The following HS6ST2 variants were observed in gnomAD, a reference collection of about 807,000 sequenced individuals.
The protein encoded by HS6ST2 is heparan sulfate 6-O-sulfotransferase 2.
In HS6ST2, 17 loss-of-function variants were observed where a neutral mutation model predicts 33.0. The observed-to-expected ratio is 0.52, with a 90% CI of 0.35 to 0.77. The LOEUF (loss-of-function observed/expected upper bound fraction) is 0.77, where lower values mean the gene tolerates loss of function less well. Ranked by LOEUF, HS6ST2 falls within the 30% of genes least tolerant of loss-of-function variation. HS6ST2 has a pLI of 0.01. For missense variants in HS6ST2, 519 were observed against 551.7 expected (o/e 0.94, Z 0.59); for synonymous variants, 248 against 237.1 (o/e 1.05, Z -0.42).
chrX:132,828,727 C>A (rs2065554883), intron 2 of HS6ST2, among the ~76,000 whole-genome samples: 1 of 94,034 alleles, frequency 1.1e-5, no homozygotes, highest in African/African-American at 4.0e-5. Context: ...CACACACACA[C>A]ACACACACAC....
At chrX:132,859,130 T>A (rs1569497610) in intron 2 of HS6ST2, among the ~76,000 whole-genome samples, 1 of 112,151 alleles carries the variant, frequency 8.9e-6, no homozygotes, top group East Asian at 2.8e-4. Context: ...TCTAGCCACA[T>A]GGGAATAGCT....
chrX:132,797,890 G>A (rs1022789888), intron 2 of HS6ST2, among the ~76,000 whole-genome samples: 12 of 108,830 alleles, frequency 1.1e-4, no homozygotes, highest in African/African-American at 4.0e-4. Flanking sequence ...GTGCATGCCT[G>A]TAATCCCAGC....
At chrX:132,722,825 A>G (rs1012231854) in intron 2 of HS6ST2, among the ~76,000 whole-genome samples, 2 of 109,294 alleles carry the variant, frequency 1.8e-5, no homozygotes, top group African/African-American at 6.6e-5. Flanking sequence ...GGTGATTGAG[A>G]TTTCAAATAT....
At chrX:132,894,519 TGTTATGTTA>T (rs1338539742) in intron 2 of HS6ST2, among the ~76,000 whole-genome samples, 3 of 108,085 alleles carry the variant, frequency 2.8e-5, no homozygotes, top group Non-Finnish European at 3.8e-5. Flanking sequence ...TGTTATGTTA[TGTTATGTTA>T]TTTATTTTGA....
chrX:132,856,387 T>C (rs1340956047), intron 2 of HS6ST2, among the ~76,000 whole-genome samples: 1 of 112,166 alleles, frequency 8.9e-6, no homozygotes, highest in East Asian at 2.8e-4. Context: ...ATAGTATATA[T>C]AGGGTTTCAG....
At chrX:132,655,324 C>T (rs939049982) in intron 4 of HS6ST2, among the ~76,000 whole-genome samples, 1 of 111,934 alleles carries the variant, frequency 8.9e-6, no homozygotes, top group Non-Finnish European at 1.9e-5. Flanking sequence ...GAGTAAGGGG[C>T]ACAGTAATTG....
intron 3 of HS6ST2, among the ~76,000 whole-genome samples, chrX:132,673,299 T>C (rs1602566999): frequency 8.9e-6 from 1 of 112,396 alleles, no homozygotes; most frequent in South Asian, 3.7e-4. Context: ...TTGGGCTCAA[T>C]GGAAAGAAGT....
At position 132,957,115 on chromosome X, in the gene HS6ST2, C is replaced by A. The variant is rs1332005603; in HGVS notation, c.640G>T (p.Asp214Tyr). ...FVPRYNFTRG[D>Y]LLRKVDFDIK... The stretch of plus-strand genomic sequence containing the variant: ...TCGAAGTCTACCTTGCGCAGGAGGT[C>A]GCCGCGGGTGAAATTGTAGCGGGGC... Residue 214 changes from aspartate (D) to tyrosine (Y), a missense_variant, in exon 2 of 5, where the codon GAC becomes TAC. Coordinates refer to ENST00000370833, the MANE Select transcript of HS6ST2 (RefSeq NM_001394073.1). The A allele has an allele frequency of 8.3e-7, 1 of 1,209,802 alleles. No individual in the cohort carries two copies. The highest frequency in any genetic ancestry group is 1.1e-6 in the Non-Finnish European group (1 of 895,139).
chrX:132,857,886 T>C (rs181113890), intron 2 of HS6ST2, among the ~76,000 whole-genome samples: 6 of 112,155 alleles, frequency 5.3e-5, no homozygotes, highest in African/African-American at 9.7e-5. Flanking sequence ...TCAAAAAGTA[T>C]ACATTACACA....
At chrX:132,646,919 T>C (rs1466058330) in intron 4 of HS6ST2, among the ~76,000 whole-genome samples, 2 of 111,914 alleles carry the variant, frequency 1.8e-5, no homozygotes, top group Non-Finnish European at 1.9e-5. Context: ...CTGCCCTTTA[T>C]AAAACCATCA....
At chrX:132,670,010 C>A (rs2063850543) in intron 3 of HS6ST2, 2 of 112,148 alleles carry the variant, frequency 1.8e-5, no homozygotes, top group South Asian at 7.5e-4. Context: ...TCCTTTACTT[C>A]ATCTTCAGAT....
intron 2 of HS6ST2, among the ~76,000 whole-genome samples, chrX:132,728,509 G>A (rs1186308783): frequency 8.9e-6 from 1 of 111,876 alleles, no homozygotes; most frequent in African/African-American, 3.3e-5. Flanking sequence ...AGCCTAACGC[G>A]GGCATGTTGG....
In HS6ST2 at chrX:132,795,366, C is replaced by A. The variant is rs190527852; in HGVS notation, c.948-86872G>T. On this transcript the variant is annotated intron_variant, in intron 2 of 4. Coordinates refer to ENST00000370833, the MANE Select transcript of HS6ST2 (RefSeq NM_001394073.1). ...AAAGCCACCCTCTGCATTCTTCTTA[C>A]CATTCTTTGACTGTGCTGATAGGGG... 3.6e-5 allele frequency among the ~76,000 whole-genome samples: 4 copies of A among 111,607 alleles called. No individual in the cohort carries two copies. In the Admixed American group the frequency reaches 3.8e-4, roughly 11 times the overall value.
In HS6ST2 at chrX:132,628,542, T is replaced by C; in HGVS notation, c.1619A>G (p.Gln540Arg). ...CTGATGCTCTTTCTGCCTCATAAACTGATACCTCTGCAAAAAAAGGTCTTT... is the reference window on the plus strand; with the variant it reads ...CTGATGCTCTTTCTGCCTCATAAACCGATACCTCTGCAAAAAAAGGTCTTT... ...YAKDLFLQRYQFMRQKEHQEA... is the reference protein window; with the variant it reads ...YAKDLFLQRYRFMRQKEHQEA... The change falls in exon 5 of 5, where the codon CAG becomes CGG. Residue 540 changes from glutamine to arginine, a missense_variant. Transcript: ENST00000370833. 2.5e-6 allele frequency: 3 copies of C among 1,211,170 alleles called. No individual in the cohort carries two copies. Among genetic ancestry groups the C allele is most frequent in the Non-Finnish European group, 3.4e-6 (3 of 895,299 alleles).
chrX:132,639,935 G>A (rs895807598), intron 4 of HS6ST2, among the ~76,000 whole-genome samples: 3 of 111,888 alleles, frequency 2.7e-5, no homozygotes, highest in Non-Finnish European at 5.6e-5. Flanking sequence ...ATAAAACCCT[G>A]CATGTTTCAG....
Position 132,683,716 on chromosome X carries a change from C to G in HS6ST2, c.981-14517G>C, listed in dbSNP as rs766946173. Among the ~76,000 whole-genome samples, 4 of 111,506 alleles carry G rather than the reference C, an allele frequency of 3.6e-5. No homozygotes were observed. In the East Asian group the frequency reaches 1.1e-3, roughly 31 times the overall value. On this transcript the variant is annotated intron_variant, in intron 3 of 4. Transcript: ENST00000370833. ...GACTAACATAGGAAAAAAGCATCAA[C>G]TCTAGTGTAAAAATAGGGGCTGTAA...
At chrX:132,769,896 G>A (rs1227292734) in intron 2 of HS6ST2, among the ~76,000 whole-genome samples, 2 of 112,070 alleles carry the variant, frequency 1.8e-5, no homozygotes, top group African/African-American at 3.2e-5. Context: ...TCTGAGACAA[G>A]GGGCAAGCTA....
chrX:132,806,486 T>TTCCA (rs2065284711), intron 2 of HS6ST2, among the ~76,000 whole-genome samples: 1 of 110,095 alleles, frequency 9.1e-6, no homozygotes, highest in African/African-American at 3.3e-5. Flanking sequence ...TCTATCACAG[T>TTCCA]GATGTTCCAG....
chrX:132,902,320 C>T (rs1378183839), intron 2 of HS6ST2, among the ~76,000 whole-genome samples: 3 of 111,398 alleles, frequency 2.7e-5, no homozygotes, highest in African/African-American at 9.8e-5. Context: ...CCAGGCAGGT[C>T]TCAAACTCCT....
Sources: gnomAD v4.1 joint callset for allele counts (sites outside exome capture counted in the v4.1 genomes callset) on GRCh38, gnomAD v4.1.1 for gene constraint, MANE v1.5 for transcripts, NCBI Gene and HGNC (gene_info 2026-07-23, HGNC 2026-07-21) for gene names.